DMD: variants seen among roughly 807,000 people sequenced by gnomAD.
DMD encodes mutant dystrophin.
In DMD, 63 loss-of-function variants were observed where a neutral mutation model predicts 330.1. The observed-to-expected ratio is 0.19, with a 90% CI of 0.16 to 0.24. The LOEUF is 0.24. Ranked by LOEUF, DMD falls within the 10% of genes least tolerant of loss-of-function variation. The pLI, the probability that DMD is intolerant of heterozygous loss-of-function variation, is 1.00. For synonymous variants in DMD, 1,223 were observed against 959.8 expected (o/e 1.27, Z -5.07); for missense variants, 3,344 against 2,684.1 (o/e 1.25, Z -5.43).
At chrX:31,483,147 T>C (rs188378160) in intron 57 of DMD, among the ~76,000 whole-genome samples, 1,264 of 103,493 alleles carry the variant, frequency 0.012, 12 homozygotes, top group East Asian at 0.049. Flanking sequence ...CCCAGGTTCA[T>C]GCCATTCTCC....
intron 44 of DMD, among the ~76,000 whole-genome samples, chrX:32,034,359 T>C (rs1189610293): frequency 1.8e-5 from 2 of 111,970 alleles, no homozygotes; most frequent in Non-Finnish European, 3.8e-5. Flanking sequence ...ATTAATTATT[T>C]TAAATGTAAT....
chrX:33,289,519 T>C (rs72626082), intron 1 of DMD, among the ~76,000 whole-genome samples: 7,848 of 111,517 alleles, frequency 0.07, 509 homozygotes, highest in East Asian at 0.35. Flanking sequence ...AAGTGTTTGT[T>C]TGACAATAAG....
intron 44 of DMD, among the ~76,000 whole-genome samples, chrX:32,185,931 C>G (rs2096944218): frequency 9.1e-6 from 1 of 110,400 alleles, no homozygotes; most frequent in Admixed American, 9.7e-5. Context: ...TTGCACAGTT[C>G]CCCTTTTTCT....
At chrX:31,524,642 A>G (rs1037496363) in intron 55 of DMD, among the ~76,000 whole-genome samples, 2 of 111,962 alleles carry the variant, frequency 1.8e-5, no homozygotes, top group African/African-American at 6.5e-5. Context: ...TTTATTGGAG[A>G]GATAAGTCCA....
At chrX:31,347,815 A>G (rs1210664652) in intron 61 of DMD, among the ~76,000 whole-genome samples, 2 of 112,249 alleles carry the variant, frequency 1.8e-5, no homozygotes, top group Non-Finnish European at 3.8e-5. Context: ...ACTGTTACTA[A>G]TTTACTGTTA....
At chrX:31,793,454 C>A (rs1210314555) in intron 50 of DMD, among the ~76,000 whole-genome samples, 1 of 111,071 alleles carries the variant, frequency 9.0e-6, no homozygotes, top group Admixed American at 9.6e-5. Flanking sequence ...ACCCATCATA[C>A]GTTGAAAACA....
chrX:32,374,861 CTGAATCTAAAGTA>C (rs1488878018), intron 34 of DMD, among the ~76,000 whole-genome samples: 1 of 111,545 alleles, frequency 9.0e-6, no homozygotes, highest in Admixed American at 9.5e-5. Context: ...CATGTAACCC[CTGAATCTAAAGTA>C]ATTTTAAAAA....
intron 7 of DMD, among the ~76,000 whole-genome samples, chrX:32,771,358 T>C (rs1176010282): frequency 9.0e-6 from 1 of 111,567 alleles, no homozygotes; most frequent in Non-Finnish European, 1.9e-5. Flanking sequence ...AAATGAAAGT[T>C]TGTCACACTT....
Position 31,158,139 on chromosome X carries a change from G to T in DMD, c.10554-10621C>A, listed in dbSNP as rs906700981. Among the ~76,000 whole-genome samples, 6 of 111,433 alleles carry T rather than the reference G, an allele frequency of 5.4e-5. No individual in the cohort carries two copies. In the East Asian group the frequency reaches 1.4e-3, roughly 26 times the overall value. On this transcript the variant is annotated intron_variant, in intron 74 of 78. Transcript: ENST00000357033. ...TTCTTTAAAATAATTACCGGTACTT[G>T]TACATGAATGTTCATAGCTGCATTA...
At position 33,211,026 on chromosome X, in the gene DMD, T is replaced by C. The variant is rs886043970; in HGVS notation, c.31+256A>G. ...CATTCTGCATATTCTATTACTGCAG[T>C]GGTTTGTTAATCAAGAAATCATGTG... is the stretch of plus-strand genomic sequence containing the variant. On this transcript the variant is annotated intron_variant, in intron 1 of 78. Transcript: ENST00000357033. Among the ~76,000 whole-genome samples, 26 of 112,002 alleles carry C rather than the reference T, an allele frequency of 2.3e-4. No homozygotes were observed. The highest frequency in any genetic ancestry group is 8.4e-4 in the African/African-American group (26 of 30,861).
chrX:33,001,030 G>A (rs2093267447), intron 2 of DMD, among the ~76,000 whole-genome samples: 1 of 111,347 alleles, frequency 9.0e-6, no homozygotes, highest in South Asian at 3.8e-4. Flanking sequence ...TCTACTGTGT[G>A]CCAGCTACTC....
intron 48 of DMD, among the ~76,000 whole-genome samples, 200 bp from the exon 49 acceptor site, chrX:31,837,019 A>G (rs192752097): frequency 1.3e-4 from 14 of 111,963 alleles, no homozygotes; most frequent in Non-Finnish European, 1.9e-4. Context: ...AATTCATCCA[A>G]TATCTTCTTG....
chrX:32,891,229 C>A (rs1224454310), intron 2 of DMD, among the ~76,000 whole-genome samples: 2 of 111,414 alleles, frequency 1.8e-5, no homozygotes, highest in African/African-American at 6.5e-5. Context: ...AACATTTATT[C>A]CTGCTACATA....
chrX:32,474,204 T>TACACACACACAC (rs1389594342), intron 21 of DMD, among the ~76,000 whole-genome samples: 580 of 37,619 alleles, frequency 0.015, 7 homozygotes, highest in African/African-American at 0.027. Flanking sequence ...TATACATACA[T>TACACACACACAC]ACATACACAC....
intron 19 of DMD, among the ~76,000 whole-genome samples, chrX:32,500,968 T>C (rs2043995293): frequency 8.9e-6 from 1 of 112,184 alleles, no homozygotes. Context: ...TATGATGTTC[T>C]TGTAAACGTC....
At chrX:32,708,219 G>C (rs1314215920) in intron 7 of DMD, among the ~76,000 whole-genome samples, 2 of 110,767 alleles carry the variant, frequency 1.8e-5, no homozygotes, top group South Asian at 3.8e-4. Context: ...GATGGTATAA[G>C]GGCAGTCCTG....
intron 47 of DMD, among the ~76,000 whole-genome samples, chrX:31,919,306 A>G (rs137910045): frequency 1.8e-5 from 2 of 112,557 alleles, no homozygotes; most frequent in East Asian, 2.8e-4. Context: ...TCATTCTTTT[A>G]TAAAAGTTTC....
chrX:31,984,115 T>A (rs992576370), intron 44 of DMD, among the ~76,000 whole-genome samples: 15 of 112,470 alleles, frequency 1.3e-4, no homozygotes, highest in Non-Finnish European at 2.3e-4. Context: ...TAATTATAGA[T>A]GTTTTTGGTA....
chrX:32,440,006 T>C (rs73450111), intron 28 of DMD, among the ~76,000 whole-genome samples: 165 of 111,274 alleles, frequency 1.5e-3, no homozygotes, highest in African/African-American at 5.2e-3. Context: ...TTCCTTAACA[T>C]TCCTTTGTGA....
Sources: gnomAD v4.1 joint callset for allele counts (sites outside exome capture counted in the v4.1 genomes callset) on GRCh38, gnomAD v4.1.1 for gene constraint, MANE v1.5 for transcripts, NCBI Gene and HGNC (gene_info 2026-07-23, HGNC 2026-07-21) for gene names.